The following SENP7 variants were observed in gnomAD, a reference collection of about 807,000 sequenced individuals.
SENP7 encodes SUMO specific peptidase 7, also known as sentrin-specific protease 7.
In SENP7, 64 loss-of-function variants were observed where a neutral mutation model predicts 141.2. The ratio of observed to expected loss-of-function variants is 0.45; its 90% CI spans 0.37 to 0.56. The LOEUF (loss-of-function observed/expected upper bound fraction) is 0.56, where lower values mean the gene tolerates loss of function less well. Ranked by LOEUF, SENP7 falls within the 20% of genes least tolerant of loss-of-function variation. SENP7 has a pLI of 0.00. For missense variants in SENP7, 1,025 were observed against 1,212.2 expected (o/e 0.85, Z 2.29); for synonymous variants, 382 against 426.4 (o/e 0.90, Z 1.28).
At chr3:101,434,740 C>T (rs773377747) in intron 4 of SENP7, among the ~76,000 whole-genome samples, 3 of 152,018 alleles carry the variant, frequency 2.0e-5, no homozygotes, top group African/African-American at 7.2e-5. Flanking sequence ...AAAATCTGAA[C>T]AGACCAATAG....
chr3:101,476,616 A>G (rs2064229087), intron 3 of SENP7, among the ~76,000 whole-genome samples: 3 of 152,348 alleles, frequency 2.0e-5, no homozygotes, highest in African/African-American at 7.2e-5. Flanking sequence ...ATATATACCC[A>G]GTAATGGGAT....
chr3:101,497,242 A>C (rs543220687), intron 2 of SENP7, among the ~76,000 whole-genome samples: 1 of 152,340 alleles, frequency 6.6e-6, no homozygotes, highest in African/African-American at 2.4e-5. Flanking sequence ...ATAAATATAG[A>C]TACATGTGTT....
At chr3:101,375,150 G>C (rs1404189070) in intron 6 of SENP7, among the ~76,000 whole-genome samples, 1 of 151,934 alleles carries the variant, frequency 6.6e-6, no homozygotes, top group Non-Finnish European at 1.5e-5. Flanking sequence ...AGAAAAATTG[G>C]AACCTCTGTA....
chr3:101,346,378 T>C (rs537014970), intron 13 of SENP7, among the ~76,000 whole-genome samples: 1 of 152,264 alleles, frequency 6.6e-6, no homozygotes, highest in Admixed American at 6.5e-5. Context: ...AAAGTAGAAC[T>C]ACCATTTGAT....
chr3:101,442,129 G>A (rs1176858247), intron 4 of SENP7, among the ~76,000 whole-genome samples: 2 of 152,082 alleles, frequency 1.3e-5, no homozygotes, highest in African/African-American at 4.8e-5. Context: ...TAAGAAACAT[G>A]ACAAAGCAAG....
intron 3 of SENP7, among the ~76,000 whole-genome samples, chr3:101,473,448 C>G (rs2064091258): frequency 6.6e-6 from 1 of 152,176 alleles, no homozygotes; most frequent in South Asian, 2.1e-4. Context: ...GAGATGGTAT[C>G]TCACTGTGGT....
At chr3:101,417,214 G>A (rs2061648671) in intron 5 of SENP7, among the ~76,000 whole-genome samples, 1 of 150,250 alleles carries the variant, frequency 6.7e-6, no homozygotes, top group Non-Finnish European at 1.5e-5. Flanking sequence ...TAAAGATGAA[G>A]AAAATATTAA....
chr3:101,401,824 A>G (rs540930982), intron 5 of SENP7, among the ~76,000 whole-genome samples: 6 of 152,124 alleles, frequency 3.9e-5, no homozygotes, highest in South Asian at 2.1e-4. Context: ...CTCTACAAAA[A>G]ATAGAAAATA....
chr3:101,490,520 T>C (rs548076745), intron 3 of SENP7, among the ~76,000 whole-genome samples: 2 of 152,198 alleles, frequency 1.3e-5, no homozygotes, highest in South Asian at 4.1e-4. Flanking sequence ...AGTCATATAC[T>C]TGAGTCACAT....
intron 13 of SENP7, 54 bp downstream of exon 13, chr3:101,347,818 C>A: frequency 8.5e-6 from 7 of 822,228 alleles, no homozygotes; most frequent in Non-Finnish European, 8.7e-6. Context: ...TAGGAAAAAA[C>A]TATTTATGAC....
At chr3:101,441,055 CA>C (rs2062650852) in intron 4 of SENP7, among the ~76,000 whole-genome samples, 1 of 152,166 alleles carries the variant, frequency 6.6e-6, no homozygotes, top group South Asian at 2.1e-4. Context: ...CCACACCCGC[CA>C]TCCAGGTGCC....
intron 3 of SENP7, among the ~76,000 whole-genome samples, chr3:101,475,888 C>G (rs979043612): frequency 3.3e-5 from 5 of 151,920 alleles, no homozygotes; most frequent in Admixed American, 3.3e-4. Context: ...AGAGATAAAT[C>G]CCAATACAAT....
intron 5 of SENP7, among the ~76,000 whole-genome samples, chr3:101,404,020 AT>A (rs1371111281): frequency 1.3e-5 from 2 of 152,200 alleles, no homozygotes; most frequent in African/African-American, 2.4e-5. Flanking sequence ...ATTCAATGCT[AT>A]TCCTATCATA....
At chr3:101,493,791 A>G in intron 3 of SENP7, 82 bp downstream of exon 3, 1 of 837,248 alleles carries the variant, frequency 1.2e-6, no homozygotes, top group South Asian at 2.0e-5. Flanking sequence ...CATATCAGAA[A>G]ATAAACATTC....
intron 1 of SENP7, among the ~76,000 whole-genome samples, chr3:101,511,802 G>GT (rs950861172): frequency 2.4e-4 from 37 of 151,784 alleles, no homozygotes; most frequent in Non-Finnish European, 3.4e-4. Context: ...TTTGGAATTG[G>GT]TTTTTTTTGT....
chr3:101,478,621 A>G (rs1559887031), intron 3 of SENP7, among the ~76,000 whole-genome samples: 1 of 152,216 alleles, frequency 6.6e-6, no homozygotes, highest in African/African-American at 2.4e-5. Context: ...CAAACTTACA[A>G]AGAAGAATAC....
chr3:101,450,311 G>T (rs542218024), intron 4 of SENP7, among the ~76,000 whole-genome samples: 47 of 152,242 alleles, frequency 3.1e-4, no homozygotes, highest in African/African-American at 1.0e-3. Context: ...CAACAAGACA[G>T]AAAGTTAACA....
At chr3:101,401,531 AAAAAAAAAGG>A (rs557805837) in intron 5 of SENP7, among the ~76,000 whole-genome samples, 1,785 of 151,790 alleles carry the variant, frequency 0.012, 23 homozygotes, top group African/African-American at 0.038. Context: ...TCCATCTCAA[AAAAAAAAAGG>A]AAAAAAAAGG....
chr3:101,402,904 G>A (rs2061192687), intron 5 of SENP7, among the ~76,000 whole-genome samples: 2 of 152,142 alleles, frequency 1.3e-5, no homozygotes, highest in African/African-American at 4.8e-5. Flanking sequence ...TATAGCCCAT[G>A]GATCAAGAAG....
Sources: gnomAD v4.1 joint callset for allele counts (sites outside exome capture counted in the v4.1 genomes callset) on GRCh38, gnomAD v4.1.1 for gene constraint, MANE v1.5 for transcripts, NCBI Gene and HGNC (gene_info 2026-07-23, HGNC 2026-07-21) for gene names.